MN1: variants seen among roughly 807,000 people sequenced by gnomAD.
MN1 encodes transcriptional activator MN1.
In MN1, 19 loss-of-function variants were observed where a neutral mutation model predicts 86.9. The ratio of observed to expected loss-of-function variants is 0.22; its 90% confidence interval spans 0.15 to 0.32. The LOEUF (loss-of-function observed/expected upper bound fraction) is 0.32. MN1 is among the 10% of genes least tolerant of loss of function. The probability of loss-of-function intolerance (pLI) is 1.00; values close to 1 mark genes in which losing one functional copy is unlikely to be tolerated. For synonymous variants in MN1, 928 were observed against 849.6 expected (o/e 1.09, Z -1.60); for missense variants, 1,841 against 1,862.0 (o/e 0.99, Z 0.21).
Position 27,751,035 on chromosome 22 carries a change from C to G in MN1, c.3843G>C (p.Leu1281=). Residue 1281 remains leucine (L), a synonymous_variant, in exon 2 of 2, where the codon CTG becomes CTC. Transcript: ENST00000302326. Reference sequence around the variant, plus strand: ...CCACGTCGTCTGTGCAGTGGACAGACAGGCACTGCAAGTGGCTGCCAGGCT... The same window carrying G: ...CCACGTCGTCTGTGCAGTGGACAGAGAGGCACTGCAAGTGGCTGCCAGGCT... The part of the protein sequence containing the change: ...ASQPGSHLQC[L]SVHCTDDVGD... The G allele has an allele frequency of 6.2e-7, 1 of 1,606,242 alleles. No homozygotes were observed. The highest frequency in any genetic ancestry group is 8.5e-7 in the Non-Finnish European group (1 of 1,174,950).
At chr22:27,769,489 A>G (rs1932896341) in intron 1 of MN1, among the ~76,000 whole-genome samples, 1 of 151,444 alleles carries the variant, frequency 6.6e-6, no homozygotes, top group African/African-American at 2.4e-5. Context: ...AGGCTTGGAA[A>G]TGCAGTGACT....
intron 1 of MN1, 87 bp downstream of exon 1, chr22:27,796,676 A>C: frequency 7.2e-7 from 1 of 1,384,922 alleles, no homozygotes; most frequent in Non-Finnish European, 9.7e-7. Flanking sequence ...CCAAACCTCA[A>C]AGGACCCCAA....
Position 27,801,719 on chromosome 22 carries a change from G to A in MN1, c.-1176C>T, listed in dbSNP as rs937346397. The stretch of plus-strand genomic sequence containing the variant: ...TCCGAGGGTCTCGGCTCCCCTCTCT[G>A]TGTCTGCCTCTCGCCCAGCGCCGGG... On this transcript the variant is annotated 5_prime_UTR_variant, in exon 1 of 2. Transcript: ENST00000302326. 5.9e-5 allele frequency among the ~76,000 whole-genome samples: 9 copies of A among 152,216 alleles called. No individual in the cohort carries two copies. The highest frequency in any genetic ancestry group is 1.9e-4 in the African/African-American group (8 of 41,454).
At chr22:27,794,808 AG>A (rs1044556569) in intron 1 of MN1, among the ~76,000 whole-genome samples, 248 of 81,522 alleles carry the variant, frequency 3.0e-3, no homozygotes, top group African/African-American at 0.013. Flanking sequence ...TCTTTAAATC[AG>A]GGTTGTTGTT....
At chr22:27,764,602 G>A (rs145649744) in intron 1 of MN1, among the ~76,000 whole-genome samples, 68 of 152,312 alleles carry the variant, frequency 4.5e-4, no homozygotes, top group African/African-American at 1.3e-3. Flanking sequence ...ATGGGGACTC[G>A]TGCCAGGTCA....
intron 1 of MN1, among the ~76,000 whole-genome samples, chr22:27,785,056 C>CCACACACAAACA (rs1933105241): frequency 6.9e-6 from 1 of 144,832 alleles, no homozygotes; most frequent in African/African-American, 2.6e-5. Context: ...CTGGCATCCG[C>CCACACACAAACA]CACACACACA....
At position 27,755,076 on chromosome 22, in the gene MN1, C is replaced by T. The variant is rs971130361; in HGVS notation, c.3782-3980G>A. 6.6e-5 allele frequency among the ~76,000 whole-genome samples: 10 copies of T among 152,312 alleles called. 1 individual carries two copies. The South Asian group carries it at 1.5e-3, about 22-fold the overall frequency. Reference sequence around the variant, plus strand: ...AGACTGAGGCTCTAAGGGGCAGGAGCTACCCAGGGGTCACCCACGGCCATG... The same window carrying T: ...AGACTGAGGCTCTAAGGGGCAGGAGTTACCCAGGGGTCACCCACGGCCATG... On this transcript the variant is annotated intron_variant, in intron 1 of 1. Transcript: ENST00000302326.
At position 27,797,328 on chromosome 22, in the gene MN1, C is replaced by T. The variant is rs1395330873; in HGVS notation, c.3216G>A (p.Ala1072=). Residue 1072 remains alanine, a synonymous_variant, in exon 1 of 2, where the codon GCG becomes GCA. Coordinates refer to ENST00000302326, the MANE Select transcript of MN1 (RefSeq NM_002430.3). ...AGCCGGTCACCAGGGGACTCCTGCTCGCTTTAACTAGTGCCTGGGGGTTGT... is the reference window on the plus strand; with the variant it reads ...AGCCGGTCACCAGGGGACTCCTGCTTGCTTTAACTAGTGCCTGGGGGTTGT... The part of the protein sequence containing the change: ...SSDNPQALVK[A]SRSPLVTGSP... 1.9e-6 allele frequency: 3 copies of T among 1,604,368 alleles called. No individual in the cohort carries two copies. The highest frequency in any genetic ancestry group is 2.5e-6 in the Non-Finnish European group (3 of 1,179,844).
intron 1 of MN1, among the ~76,000 whole-genome samples, chr22:27,758,431 C>A (rs1932814713): frequency 6.6e-6 from 1 of 152,208 alleles, no homozygotes. Flanking sequence ...CAGATGGCAC[C>A]CCTGGCTCCG....
chr22:27,801,393 T>C lies in MN1; in HGVS notation c.-850A>G, dbSNP rs1933439308. The C allele has an allele frequency of 4.7e-6, 1 of 210,776 alleles. No homozygotes were observed. Among genetic ancestry groups the C allele is most frequent in the African/African-American group, 2.3e-5 (1 of 43,928 alleles). The allele number at this position is 210,776 out of a possible 1,614,324, so 13.1% of individuals were successfully genotyped here. ...CGCCTGCCGCTTCTGTTCTCCGCCG[T>C]TGGGTGTCTGAGTTCGCCGGAGTCT... On this transcript the variant is annotated 5_prime_UTR_variant, in exon 1 of 2. Coordinates refer to ENST00000302326, the MANE Select transcript of MN1 (RefSeq NM_002430.3).
In MN1 at chr22:27,762,676, G is replaced by A. The variant is rs575066716; in HGVS notation, c.3782-11580C>T. On this transcript the variant is annotated intron_variant, in intron 1 of 1. Coordinates refer to ENST00000302326, the MANE Select transcript of MN1 (RefSeq NM_002430.3). ...GGATGCTGTACCTCTCTGAGCCCCA[G>A]CATGCTCGCACAGAAACTGGAGCAA... Among the ~76,000 whole-genome samples the A allele has an allele frequency of 1.6e-4, 24 of 152,104 alleles. No individual in the cohort carries two copies. The South Asian group carries it at 4.6e-3, about 29-fold the overall frequency.
intron 1 of MN1, among the ~76,000 whole-genome samples, chr22:27,792,667 AGGG>A (rs2146312848): frequency 6.6e-6 from 1 of 152,216 alleles, no homozygotes; most frequent in East Asian, 1.9e-4. Flanking sequence ...AGCTGCACAA[AGGG>A]GGCCCTATCT....
intron 1 of MN1, among the ~76,000 whole-genome samples, chr22:27,755,399 G>A (rs1932795735): frequency 6.6e-6 from 1 of 152,204 alleles, no homozygotes; most frequent in Non-Finnish European, 1.5e-5. Context: ...GCAGCACAGG[G>A]GGCCGAGGGC....
chr22:27,774,779 C>T (rs1242817257), intron 1 of MN1, among the ~76,000 whole-genome samples: 2 of 152,152 alleles, frequency 1.3e-5, no homozygotes, highest in Admixed American at 6.5e-5. Context: ...TTAGACATAG[C>T]AACAGTCGTG....
intron 1 of MN1, among the ~76,000 whole-genome samples, chr22:27,777,708 C>CAA (rs1003897667): frequency 6.6e-6 from 1 of 151,212 alleles, no homozygotes. Context: ...AAAATACACA[C>CAA]ACACACACAC....
In MN1 at chr22:27,798,188, G is replaced by T. The variant is rs774134808; in HGVS notation, c.2356C>A (p.Pro786Thr). ...CTGGGCTGGAAATCAGGCTGCGGCG[G>T]GTAGGCACCCCCGCCACCGCCGCCA... is the stretch of plus-strand genomic sequence containing the variant. ...SGGGGGGGAY[P>T]PQPDFQPSQR... The change falls in exon 1 of 2, where the codon CCG becomes ACG. Residue 786 changes from proline (P) to threonine (T), a missense_variant. Coordinates refer to ENST00000302326, the MANE Select transcript of MN1 (RefSeq NM_002430.3). 1 of 1,554,224 alleles carries T rather than the reference G, an allele frequency of 6.4e-7. No homozygotes were observed. Among genetic ancestry groups the T allele is most frequent in the Non-Finnish European group, 8.6e-7 (1 of 1,158,208 alleles).
intron 1 of MN1, among the ~76,000 whole-genome samples, chr22:27,784,512 C>G (rs1043445498): frequency 2.6e-5 from 4 of 151,700 alleles, no homozygotes; most frequent in African/African-American, 9.7e-5. Context: ...GGCTTAAAAA[C>G]AGATCAATTT....
In MN1 at chr22:27,798,867, C is replaced by G; in HGVS notation, c.1677G>C (p.Lys559Asn). Residue 559 changes from lysine (K) to asparagine (N), a missense_variant, in exon 1 of 2, where the codon AAG becomes AAC. By Grantham distance (94) the Lys-to-Asn change is moderately conservative. Transcript: ENST00000302326. ...QQRQNAALMI[K>N]QMASRNQQQR... ...GCTGCTGATTCCGCGACGCCATCTGCTTAATCATGAGGGCCGCGTTTTGGC... is the reference window on the plus strand; with the variant it reads ...GCTGCTGATTCCGCGACGCCATCTGGTTAATCATGAGGGCCGCGTTTTGGC... 1 of 1,546,304 alleles carries G rather than the reference C, an allele frequency of 6.5e-7. No individual in the cohort carries two copies. Among genetic ancestry groups the G allele is most frequent in the South Asian group, 1.2e-5 (1 of 84,210 alleles).
chr22:27,782,531 T>C (rs139956089), intron 1 of MN1, among the ~76,000 whole-genome samples: 1 of 152,334 alleles, frequency 6.6e-6, no homozygotes, highest in African/African-American at 2.4e-5. Context: ...TGATGCCCTA[T>C]ATACGAACCA....
Sources: gnomAD v4.1 joint callset for allele counts (sites outside exome capture counted in the v4.1 genomes callset) on GRCh38, gnomAD v4.1.1 for gene constraint, MANE v1.5 for transcripts, NCBI Gene and HGNC (gene_info 2026-07-23, HGNC 2026-07-21) for gene names.